Variants in TRAF1 observed in about 807,000 individuals in gnomAD.
The protein encoded by TRAF1 is TNF receptor-associated factor 1.
A neutral mutation model predicts 40.9 loss-of-function variants in TRAF1; 23 were observed. The observed-to-expected ratio is 0.56, with a 90% CI of 0.40 to 0.80. The LOEUF (loss-of-function observed/expected upper bound fraction) is 0.80, where lower values mean the gene tolerates loss of function less well. Among genes scored for constraint, TRAF1 ranks in the 30% least tolerant of loss-of-function variants. The pLI is 0.00. For synonymous variants in TRAF1, 206 were observed against 218.8 expected (o/e 0.94, Z 0.52); for missense variants, 477 against 528.7 (o/e 0.90, Z 0.96).
At chr9:120,907,009 C>T (rs1321600929) in intron 7 of TRAF1, among the ~76,000 whole-genome samples, 1 of 152,184 alleles carries the variant, frequency 6.6e-6, no homozygotes, top group African/African-American at 2.4e-5. Context: ...GATGGGATTA[C>T]AGGCACACAT....
chr9:120,913,259 C>T (rs2046541824), intron 5 of TRAF1, 69 bp downstream of exon 5: 1 of 1,508,470 alleles, frequency 6.6e-7, no homozygotes, highest in African/African-American at 1.4e-5. Flanking sequence ...AGGAGGAAGC[C>T]TGTCTGCCGC....
chr9:120,917,437 A>G (rs903707180), intron 3 of TRAF1, among the ~76,000 whole-genome samples: 2 of 152,198 alleles, frequency 1.3e-5, no homozygotes, highest in African/African-American at 2.4e-5. Flanking sequence ...GGGGATAATA[A>G]TAATACCCCC....
Position 120,913,483 on chromosome 9 carries a change from C to G in TRAF1, c.550G>C (p.Glu184Gln). 1 of 1,614,066 alleles carries G rather than the reference C, an allele frequency of 6.2e-7. No homozygotes were observed. Among genetic ancestry groups the G allele is most frequent in the Non-Finnish European group, 8.5e-7 (1 of 1,180,010 alleles). The change falls in exon 5 of 8, where the codon GAG (glutamate) becomes CAG (glutamine). Residue 184 changes from glutamate to glutamine, a missense_variant. Transcript: ENST00000373887. ...EELALQHFMKEKLLAELEGKL... is the reference protein window; with the variant it reads ...EELALQHFMKQKLLAELEGKL... ...CCCTCCAGCTCAGCCAGAAGCTTCT[C>G]CTTCATGAAGTGCTGCAGGGCCAGC...
chr9:120,905,440 G>A (rs2046473707), intron 7 of TRAF1, among the ~76,000 whole-genome samples: 1 of 152,220 alleles, frequency 6.6e-6, no homozygotes, highest in African/African-American at 2.4e-5. Context: ...GCGGCACCTG[G>A]TATTCTGAGT....
At chr9:120,921,214 AT>A (rs1428454105) in intron 3 of TRAF1, among the ~76,000 whole-genome samples, 1 of 152,098 alleles carries the variant, frequency 6.6e-6, no homozygotes, top group Non-Finnish European at 1.5e-5. Flanking sequence ...TCTACCATGA[AT>A]TATAGTGCCT....
chr9:120,921,188 T>A (rs1564121183), intron 3 of TRAF1, among the ~76,000 whole-genome samples: 1 of 152,276 alleles, frequency 6.6e-6, no homozygotes, highest in African/African-American at 2.4e-5. Flanking sequence ...CTGTAGCCTG[T>A]TAGGGTGCCT....
chr9:120,927,162 C>A (rs909766287), upstream of TRAF1: 2 of 152,230 alleles, frequency 1.3e-5, no homozygotes, highest in African/African-American at 2.4e-5. Flanking sequence ...GGGATTCACA[C>A]CAGGGCTGTG....
rs2046448818 is a variant in TRAF1, at chr9:120,902,799, C to T, written c.*2221G>A. On this transcript the variant is annotated 3_prime_UTR_variant, in exon 8 of 8. Transcript: ENST00000373887. ...AATCATAATGATCTACTTATCTGCT[C>T]ATTTCCTCCACTGAACTAAGAGTTT... 1 of 152,278 alleles carries T rather than the reference C, an allele frequency of 6.6e-6. No homozygotes were observed. Among genetic ancestry groups the T allele is most frequent in the Admixed American group, 6.5e-5 (1 of 15,284 alleles). 9.4% of individuals were successfully genotyped at this position (152,278 alleles called of 1,614,324 possible). A position where few individuals can be genotyped will look rare whatever the true frequency, so the allele number is the denominator to read the frequency against.
Position 120,909,332 on chromosome 9 carries a change from G to A in TRAF1, c.930C>T (p.Tyr310=). Residue 310 remains tyrosine (Y), a synonymous_variant, in exon 7 of 8, where the codon TAC becomes TAT. Transcript: ENST00000373887. ...KYGYKLCLRL[Y]LNGDGTGKRT... ...TCTTTCCAGTGCCATCTCCATTCAG[G>A]TACAGCCGCAGGCACAACTTGTAGC... is the stretch of plus-strand genomic sequence containing the variant. The A allele has an allele frequency of 1.2e-6, 2 of 1,614,164 alleles. No individual in the cohort carries two copies. Among genetic ancestry groups the A allele is most frequent in the Admixed American group, 1.7e-5 (1 of 60,012 alleles).
At chr9:120,925,485 A>G (rs1037766449) in intron 2 of TRAF1, among the ~76,000 whole-genome samples, 1 of 152,258 alleles carries the variant, frequency 6.6e-6, no homozygotes, top group Non-Finnish European at 1.5e-5. Flanking sequence ...GTGATGAGCA[A>G]TGCTGTGGAA....
chr9:120,918,115 G>A (rs945878393), intron 3 of TRAF1, among the ~76,000 whole-genome samples: 10 of 152,102 alleles, frequency 6.6e-5, no homozygotes, highest in South Asian at 2.1e-4. Context: ...CGCCAATACC[G>A]TGCCTTGAAC....
intron 3 of TRAF1, among the ~76,000 whole-genome samples, chr9:120,916,639 G>A (rs1275021252): frequency 6.6e-6 from 1 of 152,126 alleles, no homozygotes; most frequent in Admixed American, 6.5e-5. Context: ...AATGAGTACA[G>A]TTGGGTTGAG....
intron 3 of TRAF1, among the ~76,000 whole-genome samples, chr9:120,917,843 CAG>C (rs1287024273): frequency 6.6e-6 from 1 of 152,106 alleles, no homozygotes; most frequent in Non-Finnish European, 1.5e-5. Flanking sequence ...ATCGTGTCTG[CAG>C]AGTCTGTTTT....
intron 7 of TRAF1, among the ~76,000 whole-genome samples, chr9:120,905,568 C>A (rs2046474796): frequency 6.6e-6 from 1 of 152,198 alleles, no homozygotes; most frequent in South Asian, 2.1e-4. Flanking sequence ...GAGGGTGTGA[C>A]TGAAGCACTG....
intron 3 of TRAF1, among the ~76,000 whole-genome samples, chr9:120,920,753 A>G (rs1292893277): frequency 6.6e-6 from 1 of 152,226 alleles, no homozygotes; most frequent in Non-Finnish European, 1.5e-5. Flanking sequence ...CATCTAATGA[A>G]GTCACAGGCT....
chr9:120,914,114 C>G (rs1380966649), intron 4 of TRAF1, 121 bp downstream of exon 4: 3 of 864,358 alleles, frequency 3.5e-6, no homozygotes, highest in Non-Finnish European at 5.0e-6. Flanking sequence ...GTCATTAGTA[C>G]AAAGGACATC....
At chr9:120,912,805 C>T (rs2046538212) in intron 5 of TRAF1, among the ~76,000 whole-genome samples, 1 of 152,208 alleles carries the variant, frequency 6.6e-6, no homozygotes, top group South Asian at 2.1e-4. Flanking sequence ...TCTTTGGAGA[C>T]TGAGCCAGAG....
chr9:120,924,696 T>C (rs2046627211), intron 2 of TRAF1, among the ~76,000 whole-genome samples: 1 of 152,254 alleles, frequency 6.6e-6, no homozygotes, highest in South Asian at 2.1e-4. Context: ...ATTACAGGCA[T>C]GAGCCACTGC....
intron 3 of TRAF1, among the ~76,000 whole-genome samples, chr9:120,920,471 C>T (rs538186961): frequency 6.6e-6 from 1 of 151,252 alleles, no homozygotes; most frequent in South Asian, 2.1e-4. Context: ...TTACTGTGAG[C>T]TACTGGCATC....
Sources: gnomAD v4.1 joint callset for allele counts (sites outside exome capture counted in the v4.1 genomes callset) on GRCh38, gnomAD v4.1.1 for gene constraint, MANE v1.5 for transcripts, NCBI Gene and HGNC (gene_info 2026-07-23, HGNC 2026-07-21) for gene names.